Variants in AP3S2 observed in about 807,000 individuals in gnomAD.
AP3S2 encodes the protein adaptor related protein complex 3 subunit sigma 2.
In AP3S2, 22 loss-of-function variants were observed where a neutral mutation model predicts 23.4. That is an observed-to-expected ratio of 0.94 (90% CI 0.67 to 1.34). The LOEUF (loss-of-function observed/expected upper bound fraction) is 1.34. Among genes scored for constraint, AP3S2 ranks in the 40% most tolerant of loss-of-function variants. The pLI, the probability that AP3S2 is intolerant of heterozygous loss-of-function variation, is 0.00. For synonymous variants in AP3S2, 86 were observed against 87.1 expected (o/e 0.99, Z 0.07); for missense variants, 241 against 236.9 (o/e 1.02, Z -0.11).
At chr15:89,892,590 G>A (rs950913478) in intron 1 of AP3S2, among the ~76,000 whole-genome samples, 2 of 152,064 alleles carry the variant, frequency 1.3e-5, no homozygotes, top group Non-Finnish European at 2.9e-5. Flanking sequence ...AAAACTAGGG[G>A]GGAAATTTGC....
At chr15:89,877,248 G>A (rs144254794) in intron 3 of AP3S2, 45 of 1,113,422 alleles carry the variant, frequency 4.0e-5, no homozygotes, top group Non-Finnish European at 5.2e-5. Context: ...AAAGAGGAAC[G>A]GGATTGGGTT....
intron 4 of AP3S2, among the ~76,000 whole-genome samples, chr15:89,865,145 C>T (rs1316207285): frequency 6.6e-6 from 1 of 152,116 alleles, no homozygotes; most frequent in African/African-American, 2.4e-5. Flanking sequence ...ATCCACTGTG[C>T]GTCCACTGGG....
At chr15:89,851,414 C>T (rs1381493360) in intron 4 of AP3S2, among the ~76,000 whole-genome samples, 1 of 152,112 alleles carries the variant, frequency 6.6e-6, no homozygotes. Context: ...TCTCAGCTCA[C>T]TGCAACCTCC....
At position 89,831,883 on chromosome 15, in the gene AP3S2, G is replaced by T; in HGVS notation, c.*3632C>A. 6.6e-6 allele frequency: 1 copy of T among 152,408 alleles called. No homozygotes were observed. Among genetic ancestry groups the T allele is most frequent in the Non-Finnish European group, 1.5e-5 (1 of 68,064 alleles). The allele number at this position is 152,408 out of a possible 1,614,324, so 9.4% of individuals were successfully genotyped here. On this transcript the variant is annotated 3_prime_UTR_variant, in exon 6 of 6. Transcript: ENST00000336418. ...GCACGATGTGATCAGGTAGGGCGTA[G>T]GGAAATGGGTTACTGTCCTCTAAAT...
At position 89,870,007 on chromosome 15, in the gene AP3S2, C is replaced by G. The variant is rs149894208; in HGVS notation, c.345+1468G>C. ...CTGCCCACCTCAGCCTCCCAAAGTG[C>G]TGGGATTACAGGTGTGAGCCACGAC... On this transcript the variant is annotated intron_variant, in intron 4 of 5. Coordinates refer to ENST00000336418, the MANE Select transcript of AP3S2 (RefSeq NM_005829.5). Among the ~76,000 whole-genome samples the G allele has an allele frequency of 4.2e-4, 64 of 152,272 alleles. No individual in the cohort carries two copies. The East Asian group carries it at 0.012, about 29-fold the overall frequency.
chr15:89,845,825 T>C (rs1036243859), intron 4 of AP3S2: 5 of 152,204 alleles, frequency 3.3e-5, no homozygotes, highest in South Asian at 2.1e-4. Flanking sequence ...TGAACAAATA[T>C]GAATTATGAA....
chr15:89,870,136 A>T (rs1012388951), intron 4 of AP3S2, among the ~76,000 whole-genome samples: 1 of 152,208 alleles, frequency 6.6e-6, no homozygotes, highest in Non-Finnish European at 1.5e-5. Flanking sequence ...TAATACTTGA[A>T]AGGGACTCTA....
chr15:89,874,886 T>C (rs999315945), intron 3 of AP3S2, among the ~76,000 whole-genome samples: 1 of 152,174 alleles, frequency 6.6e-6, no homozygotes. Flanking sequence ...TAAAATGCAA[T>C]TTTAAAAATA....
intron 3 of AP3S2, among the ~76,000 whole-genome samples, chr15:89,881,662 T>G (rs2141894096): frequency 6.6e-6 from 1 of 152,214 alleles, no homozygotes; most frequent in African/African-American, 2.4e-5. Flanking sequence ...AAAACAAAAT[T>G]ATAAACCCAC....
At chr15:89,845,319 C>T (rs1214315164) in intron 4 of AP3S2, 2 of 152,164 alleles carry the variant, frequency 1.3e-5, no homozygotes, top group Non-Finnish European at 2.9e-5. Context: ...CACAACTGAC[C>T]TTTGGTAAGC....
chr15:89,870,379 T>A (rs1174948022), intron 4 of AP3S2, among the ~76,000 whole-genome samples: 1 of 151,666 alleles, frequency 6.6e-6, no homozygotes, highest in Non-Finnish European at 1.5e-5. Context: ...TGTCAGGGAG[T>A]CCAAAGTTAA....
In AP3S2 at chr15:89,835,479, G is replaced by A; in HGVS notation, c.*36C>T. ...GTGCTTGCCTTGCTTGTCTTTGCTT[G>A]TCTTAAGGACTCTATTTCAGGCCAA... On this transcript the variant is annotated 3_prime_UTR_variant, in exon 6 of 6. Transcript: ENST00000336418. The A allele has an allele frequency of 1.2e-6, 2 of 1,611,888 alleles. No individual in the cohort carries two copies. Among genetic ancestry groups the A allele is most frequent in the Non-Finnish European group, 1.7e-6 (2 of 1,179,008 alleles).
chr15:89,843,253 G>A (rs1383880264), intron 4 of AP3S2, among the ~76,000 whole-genome samples: 2 of 151,922 alleles, frequency 1.3e-5, no homozygotes, highest in African/African-American at 4.8e-5. Context: ...CAAAGTGCTG[G>A]GATTACAAGC....
intron 1 of AP3S2, 54 bp from the exon 2 acceptor site, chr15:89,889,194 C>G: frequency 6.3e-7 from 1 of 1,597,178 alleles, no homozygotes; most frequent in Non-Finnish European, 8.6e-7. Context: ...AACTACATCC[C>G]ATCCATGGGG....
intron 1 of AP3S2, among the ~76,000 whole-genome samples, chr15:89,892,855 G>A (rs1220202949): frequency 6.6e-6 from 1 of 152,132 alleles, no homozygotes; most frequent in Non-Finnish European, 1.5e-5. Context: ...TAGTAGAGAC[G>A]GGGTTTCACC....
chr15:89,879,773 T>A (rs1896527704), intron 3 of AP3S2, among the ~76,000 whole-genome samples: 1 of 151,760 alleles, frequency 6.6e-6, no homozygotes, highest in Non-Finnish European at 1.5e-5. Context: ...GCCTGGCTAA[T>A]TTTTTTGCAT....
chr15:89,864,542 A>G (rs1432898197), intron 4 of AP3S2, among the ~76,000 whole-genome samples: 3 of 151,984 alleles, frequency 2.0e-5, no homozygotes, highest in East Asian at 3.9e-4. Flanking sequence ...CACTACTTCT[A>G]TTCAATACAA....
chr15:89,868,005 G>C lies in AP3S2; in HGVS notation c.345+3470C>G, dbSNP rs1372347373. Among the ~76,000 whole-genome samples the C allele has an allele frequency of 1.7e-3, 231 of 138,816 alleles. 1 individual carries two copies. The highest frequency in any genetic ancestry group is 6.0e-3 in the African/African-American group (221 of 36,898). The allele number at this position is 138,816 out of a possible 152,430, so 91.1% of individuals were successfully genotyped here. A position where few individuals can be genotyped will look rare whatever the true frequency, so the allele number is the denominator to read the frequency against. On this transcript the variant is annotated intron_variant, in intron 4 of 5. Coordinates refer to ENST00000336418, the MANE Select transcript of AP3S2 (RefSeq NM_005829.5). ...AGGGAGGTGGGGGGGTCAGCCCCCC[G>C]CCCGGCCAGCCGCCCCGTCCAGGAG... is the stretch of plus-strand genomic sequence containing the variant.
At chr15:89,848,349 C>A (rs1312766530) in intron 4 of AP3S2, among the ~76,000 whole-genome samples, 2 of 152,210 alleles carry the variant, frequency 1.3e-5, no homozygotes, top group Non-Finnish European at 2.9e-5. Flanking sequence ...ATATAAAAAG[C>A]TGAGTGCTGA....
Sources: gnomAD v4.1 joint callset for allele counts (sites outside exome capture counted in the v4.1 genomes callset) on GRCh38, gnomAD v4.1.1 for gene constraint, MANE v1.5 for transcripts, NCBI Gene and HGNC (gene_info 2026-07-23, HGNC 2026-07-21) for gene names.